Variants in PCGF5 observed in about 807,000 individuals in gnomAD.
PCGF5 encodes polycomb group ring finger 5.
PCGF5 carries 9 observed loss-of-function variants against 44.3 expected under a neutral mutation model. The ratio of observed to expected loss-of-function variants is 0.20; its 90% CI spans 0.12 to 0.35. The LOEUF (loss-of-function observed/expected upper bound fraction) is 0.35. Ranked by LOEUF, PCGF5 falls within the 10% of genes least tolerant of loss-of-function variation. The pLI, the probability that PCGF5 is intolerant of heterozygous loss-of-function variation, is 1.00. For missense variants in PCGF5, 146 were observed against 305.3 expected, an observed-to-expected ratio of 0.48 and a Z score of 3.89; for synonymous variants, 95 against 102.5, an observed-to-expected ratio of 0.93 and a Z score of 0.44.
intron 9 of PCGF5, among the ~76,000 whole-genome samples, chr10:91,273,764 T>G (rs1278569269): frequency 6.6e-6 from 1 of 151,618 alleles, no homozygotes; most frequent in African/African-American, 2.4e-5. Context: ...TGATTTTGAA[T>G]ATAAGTAGAT....
chr10:91,248,082 A>G (rs779525904), intron 3 of PCGF5, among the ~76,000 whole-genome samples: 13 of 152,100 alleles, frequency 8.5e-5, no homozygotes, highest in Admixed American at 1.3e-4. Context: ...CCTTGTTCTC[A>G]TGGTAGCAGG....
chr10:91,264,809 A>G (rs1045388808), intron 8 of PCGF5, among the ~76,000 whole-genome samples: 2 of 152,248 alleles, frequency 1.3e-5, no homozygotes, highest in African/African-American at 4.8e-5. Context: ...TTTAAACCCA[A>G]TAAGTTGTTG....
upstream of PCGF5, among the ~76,000 whole-genome samples, chr10:91,216,279 T>G (rs754214519): frequency 3.3e-5 from 5 of 152,196 alleles, no homozygotes; most frequent in Non-Finnish European, 5.9e-5. Flanking sequence ...TGAAATCAGC[T>G]AATACGTGAA....
At chr10:91,192,748 A>T (rs1365191376) in intron 1 of PCGF5, among the ~76,000 whole-genome samples, 1 of 152,196 alleles carries the variant, frequency 6.6e-6, no homozygotes, top group East Asian at 1.9e-4. Flanking sequence ...GAAAAATTTT[A>T]AAATAGAGCA....
At position 91,278,858 on chromosome 10, in the gene PCGF5, AG is replaced by A. The variant is rs1846380113; in HGVS notation, c.*543del. 6.5e-6 allele frequency: 1 copy of A among 153,426 alleles called. No homozygotes were observed. The highest frequency in any genetic ancestry group is 6.5e-5 in the Admixed American group (1 of 15,400). 9.5% of individuals were successfully genotyped at this position (153,426 alleles called of 1,614,324 possible). On this transcript the variant is annotated 3_prime_UTR_variant, in exon 10 of 10. Transcript: ENST00000336126. ...AAAAAAGTTCATTCTTGAGTGTGCA[AG>A]TCCTTTTGCCAAGAATTCCAATTAT... is the stretch of plus-strand genomic sequence containing the variant.
chr10:91,175,747 G>A (rs1310856659), intron 1 of PCGF5, among the ~76,000 whole-genome samples: 1 of 151,882 alleles, frequency 6.6e-6, no homozygotes, highest in East Asian at 1.9e-4. Flanking sequence ...GCCTTTTTTT[G>A]TTTTCCATTT....
chr10:91,254,294 A>G (rs1457563769), intron 6 of PCGF5, among the ~76,000 whole-genome samples: 1 of 151,886 alleles, frequency 6.6e-6, no homozygotes, highest in Non-Finnish European at 1.5e-5. Flanking sequence ...TGTTATGAAT[A>G]CTTAAGACCT....
At chr10:91,202,105 T>C (rs1844263384) in intron 1 of PCGF5, among the ~76,000 whole-genome samples, 1 of 152,222 alleles carries the variant, frequency 6.6e-6, no homozygotes, top group African/African-American at 2.4e-5. Context: ...AGAATAATTG[T>C]ACTCACCCCC....
At chr10:91,244,249 T>C (rs753789084) in intron 3 of PCGF5, among the ~76,000 whole-genome samples, 3 of 152,088 alleles carry the variant, frequency 2.0e-5, no homozygotes, top group Non-Finnish European at 4.4e-5. Context: ...AAAGTGAGAC[T>C]TAAGCGAAGA....
intron 2 of PCGF5, among the ~76,000 whole-genome samples, chr10:91,230,057 T>C (rs1844958427): frequency 6.6e-6 from 1 of 152,200 alleles, no homozygotes; most frequent in Admixed American, 6.5e-5. Flanking sequence ...GTTAAAGTTA[T>C]GTGTATAGTT....
chr10:91,233,824 A>G (rs1845076911), intron 2 of PCGF5, among the ~76,000 whole-genome samples: 1 of 152,224 alleles, frequency 6.6e-6, no homozygotes, highest in South Asian at 2.1e-4. Context: ...CTGCTTAAGG[A>G]AGGAAGAAAA....
In PCGF5 at chr10:91,235,332, A is replaced by C. The variant is rs1318278089; in HGVS notation, c.113-5152A>C. Among the ~76,000 whole-genome samples, 3 of 152,336 alleles carry C rather than the reference A, an allele frequency of 2.0e-5. No individual in the cohort carries two copies. In the East Asian group the frequency reaches 5.8e-4, roughly 29 times the overall value. ...GGCCATTTTTCTATTAATTTGTCCA[A>C]CAACCTGGTTCAAATCTAACAAATG... On this transcript the variant is annotated intron_variant, in intron 2 of 9. Transcript: ENST00000336126.
intron 6 of PCGF5, among the ~76,000 whole-genome samples, chr10:91,257,069 GC>G (rs1845771446): frequency 1.3e-5 from 2 of 152,192 alleles, no homozygotes; most frequent in African/African-American, 4.8e-5. Context: ...TGTCTGATAA[GC>G]CTTTAATGTA....
the PCGF5 span, among the ~76,000 whole-genome samples, chr10:91,157,674 A>G: frequency 4.6e-5 from 7 of 152,196 alleles, no homozygotes; most frequent in African/African-American, 7.2e-5. Flanking sequence ...AAAGAGCCCA[A>G]TGGATGGTGG....
chr10:91,209,801 ACGAAG>A (rs1343517942), intron 1 of PCGF5, among the ~76,000 whole-genome samples: 1 of 130,588 alleles, frequency 7.7e-6, no homozygotes, highest in Non-Finnish European at 1.8e-5. Flanking sequence ...AAAAAGAAAA[ACGAAG>A]AAAGGAATTG....
chr10:91,221,900 G>A (rs930889324), intron 1 of PCGF5, among the ~76,000 whole-genome samples: 1 of 152,322 alleles, frequency 6.6e-6, no homozygotes, highest in African/African-American at 2.4e-5. Context: ...TTAAAAACTA[G>A]GGAAAGATTG....
chr10:91,272,704 T>C (rs932580421), intron 9 of PCGF5, among the ~76,000 whole-genome samples: 1 of 152,110 alleles, frequency 6.6e-6, no homozygotes, highest in Non-Finnish European at 1.5e-5. Flanking sequence ...GCCCAGGAAA[T>C]GGAGGTTGCA....
chr10:91,196,826 C>T (rs1167444168), intron 1 of PCGF5, among the ~76,000 whole-genome samples: 3 of 152,118 alleles, frequency 2.0e-5, no homozygotes, highest in Non-Finnish European at 4.4e-5. Context: ...TTTACTCTTT[C>T]CCTGTCATCT....
intron 1 of PCGF5, among the ~76,000 whole-genome samples, chr10:91,206,375 A>G (rs1405429455): frequency 1.3e-5 from 2 of 152,142 alleles, no homozygotes; most frequent in East Asian, 3.9e-4. Context: ...ATGATAAGCC[A>G]CTTTTTTTTT....
Sources: gnomAD v4.1 joint callset for allele counts (sites outside exome capture counted in the v4.1 genomes callset) on GRCh38, gnomAD v4.1.1 for gene constraint, MANE v1.5 for transcripts, NCBI Gene and HGNC (gene_info 2026-07-23, HGNC 2026-07-21) for gene names.